FAM118B: variants seen among roughly 807,000 people sequenced by gnomAD.
FAM118B encodes protein FAM118B.
In FAM118B, 24 loss-of-function variants were observed where a neutral mutation model predicts 38.5. The observed-to-expected ratio is 0.62, with a 90% confidence interval of 0.45 to 0.88. The LOEUF is 0.88. Ranked by LOEUF, FAM118B falls within the 40% of genes least tolerant of loss-of-function variation. The pLI is 0.00. For synonymous variants in FAM118B, 138 were observed against 156.3 expected, an observed-to-expected ratio of 0.88 and a Z score of 0.87; for missense variants, 334 against 420.0, an observed-to-expected ratio of 0.80 and a Z score of 1.79.
rs1239221936 is a variant in FAM118B, at chr11:126,215,557, C to T, written c.-77+3727C>T. Among the ~76,000 whole-genome samples, 22 of 151,934 alleles carry T rather than the reference C, an allele frequency of 1.4e-4. No homozygotes were observed. In the South Asian group the frequency reaches 4.0e-3, roughly 27 times the overall value. ...ACTAAAAATACAAAAATTAGCTGGGCGTGGTGGCAGGCACCTGTAGTCCCA... is the reference window on the plus strand; with the variant it reads ...ACTAAAAATACAAAAATTAGCTGGGTGTGGTGGCAGGCACCTGTAGTCCCA... On this transcript the variant is annotated intron_variant, in intron 1 of 8. Coordinates refer to ENST00000533050, the MANE Select transcript of FAM118B (RefSeq NM_024556.4).
Position 126,250,715 on chromosome 11 carries a change from C to A in FAM118B, c.549C>A (p.Asp183Glu). ...ADQGKQLESL[D>E]LTDEKKVLEW... Reference sequence around the variant, plus strand: ...AGGGGAAACAGCTTGAATCCCTTGACCTTACTGATGAGAAAAAGGTAAAAA... The same window carrying A: ...AGGGGAAACAGCTTGAATCCCTTGAACTTACTGATGAGAAAAAGGTAAAAA... Residue 183 changes from aspartate (D) to glutamate (E), a missense_variant, in exon 5 of 9, where the codon GAC becomes GAA. By Grantham distance (45) the Asp-to-Glu change is conservative. Transcript: ENST00000533050. The surrounding 1 kb of genome is among the most constrained non-coding windows in gnomAD (Gnocchi z 5.1). The A allele has an allele frequency of 6.2e-7, 1 of 1,612,966 alleles. No individual in the cohort carries two copies.
rs570726094 is a variant in FAM118B at position 126,244,584 on chromosome 11, A to G, written c.339+3540A>G. Reference sequence around the variant, plus strand: ...TTTGGGAGGCCGAGGTGGGCGGATCACCTGAGGTCGGGAGGTAGAGACCAG... The same window carrying G: ...TTTGGGAGGCCGAGGTGGGCGGATCGCCTGAGGTCGGGAGGTAGAGACCAG... On this transcript the variant is annotated intron_variant, in intron 4 of 8. Transcript: ENST00000533050. The surrounding 1 kb of genome is among the most constrained non-coding windows in gnomAD (Gnocchi z 4.5). 6.6e-6 allele frequency among the ~76,000 whole-genome samples: 1 copy of G among 152,302 alleles called. No individual in the cohort carries two copies. Among genetic ancestry groups the G allele is most frequent in the South Asian group, 2.1e-4 (1 of 4,828 alleles).
rs765904106 is a variant in FAM118B, at chr11:126,234,992, T to G, written c.-7-3T>G. ...GTGGTTCATGGTGTTTAATCTATTT[T>G]AGAAACTGGATGGCTTCTACAGGGA... is the stretch of plus-strand genomic sequence containing the variant. On this transcript the variant is annotated splice_polypyrimidine_tract_variant and splice_region_variant and intron_variant, in intron 2 of 8. Coordinates refer to ENST00000533050, the MANE Select transcript of FAM118B (RefSeq NM_024556.4). The G allele has an allele frequency of 1.2e-6, 2 of 1,611,740 alleles. No individual in the cohort carries two copies. The highest frequency in any genetic ancestry group is 1.3e-5 in the African/African-American group (1 of 74,980).
chr11:126,213,682 C>T (rs1234869674), intron 1 of FAM118B, among the ~76,000 whole-genome samples: 1 of 152,164 alleles, frequency 6.6e-6, no homozygotes, highest in African/African-American at 2.4e-5. Context: ...GAGGCTGTTT[C>T]TACCCTAACC....
chr11:126,247,822 C>T (rs1180005682), intron 4 of FAM118B, among the ~76,000 whole-genome samples: 1 of 148,862 alleles, frequency 6.7e-6, no homozygotes, highest in Admixed American at 6.8e-5. Flanking sequence ...CACGCCACTG[C>T]ACTCCAGCCT....
At chr11:126,238,178 C>T in intron 3 of FAM118B, among the ~76,000 whole-genome samples, 1 of 151,884 alleles carries the variant, frequency 6.6e-6, no homozygotes, top group East Asian at 1.9e-4. Flanking sequence ...CCTGGCCAAC[C>T]TGGTGAAACC....
At chr11:126,239,772 C>G (rs573745811) in intron 3 of FAM118B, among the ~76,000 whole-genome samples, 1 of 152,302 alleles carries the variant, frequency 6.6e-6, no homozygotes, top group East Asian at 1.9e-4. Flanking sequence ...CCTTGGCCCC[C>G]CAAAGTGCTG....
Position 126,222,252 on chromosome 11 carries a change from G to A in FAM118B, c.-76-6973G>A, listed in dbSNP as rs563800193. On this transcript the variant is annotated intron_variant, in intron 1 of 8. Coordinates refer to ENST00000533050, the MANE Select transcript of FAM118B (RefSeq NM_024556.4). The stretch of plus-strand genomic sequence containing the variant: ...TGTGAAGTGTGGAAAACAGTGCCTG[G>A]CTTACTGTCAATGCTATGTAGTGTT... 2.6e-5 allele frequency among the ~76,000 whole-genome samples: 4 copies of A among 152,310 alleles called. No individual in the cohort carries two copies. In the South Asian group the frequency reaches 6.2e-4, roughly 24 times the overall value.
intron 2 of FAM118B, among the ~76,000 whole-genome samples, chr11:126,233,051 A>C (rs1220329133): frequency 2.0e-5 from 3 of 152,214 alleles, no homozygotes; most frequent in South Asian, 2.1e-4. Context: ...TTAAGTTTGC[A>C]TCTTATTTAG....
intron 1 of FAM118B, among the ~76,000 whole-genome samples, chr11:126,212,302 G>T (rs1401751182): frequency 2.0e-5 from 3 of 152,156 alleles, no homozygotes; most frequent in Non-Finnish European, 2.9e-5. Flanking sequence ...CCTTCCTCAA[G>T]AATTCATTTC....
rs1421744239 is a variant in FAM118B, at chr11:126,256,409, A to G, written c.697-158A>G. On this transcript the variant is annotated intron_variant, in intron 6 of 8. Transcript: ENST00000533050. This position sits in a 1 kb window ranked among gnomAD's most constrained non-coding sequence, Gnocchi z 6.6. ...TTAGACCAATCATCAAGTTACAGCA[A>G]TAAGCAAGAGATCACACTCCTTGAT... Among the ~76,000 whole-genome samples the G allele has an allele frequency of 1.3e-5, 2 of 152,256 alleles. No homozygotes were observed. Among genetic ancestry groups the G allele is most frequent in the Non-Finnish European group, 2.9e-5 (2 of 68,038 alleles).
intron 3 of FAM118B, among the ~76,000 whole-genome samples, chr11:126,235,852 C>T (rs190609835): frequency 2.3e-5 from 3 of 130,908 alleles, no homozygotes; most frequent in South Asian, 4.2e-4. Context: ...TACATTATTA[C>T]GACTGTATAA....
intron 3 of FAM118B, among the ~76,000 whole-genome samples, chr11:126,236,663 T>C (rs1337145139): frequency 2.0e-5 from 3 of 152,182 alleles, no homozygotes; most frequent in Non-Finnish European, 4.4e-5. Context: ...ATACTTTCCA[T>C]TACAATGTTT....
intron 4 of FAM118B, among the ~76,000 whole-genome samples, chr11:126,246,373 G>A (rs954809237): frequency 5.9e-5 from 9 of 152,168 alleles, no homozygotes; most frequent in African/African-American, 2.2e-4. Context: ...CAGATTCACT[G>A]CAAAGAGCTT....
chr11:126,245,230 G>A (rs1047777635), intron 4 of FAM118B: 21 of 151,550 alleles, frequency 1.4e-4, no homozygotes, highest in African/African-American at 4.6e-4. Context: ...GTGGGATTGC[G>A]TCTGAATAGC....
rs562409654 is a variant in FAM118B at position 126,250,312 on chromosome 11, C to T, written c.340-194C>T. Among the ~76,000 whole-genome samples, 2 of 152,140 alleles carry T rather than the reference C, an allele frequency of 1.3e-5. No individual in the cohort carries two copies. Among genetic ancestry groups the T allele is most frequent in the African/African-American group, 4.8e-5 (2 of 41,514 alleles). On this transcript the variant is annotated intron_variant, in intron 4 of 8. Transcript: ENST00000533050. The surrounding 1 kb of genome is among the most constrained non-coding windows in gnomAD (Gnocchi z 5.1). Reference sequence around the variant, plus strand: ...TTCACCGTGTTAGCCAGGATGGTCTCGATCTCCTGACCTCGTGATCCGCCC... The same window carrying T: ...TTCACCGTGTTAGCCAGGATGGTCTTGATCTCCTGACCTCGTGATCCGCCC...
chr11:126,249,457 G>A (rs925757925), intron 4 of FAM118B, among the ~76,000 whole-genome samples: 3 of 150,124 alleles, frequency 2.0e-5, no homozygotes, highest in African/African-American at 7.3e-5. Flanking sequence ...CTGAGGCTGG[G>A]TGTGGTAGCT....
At chr11:126,226,742 G>A (rs1174956752) in intron 1 of FAM118B, among the ~76,000 whole-genome samples, 1 of 152,130 alleles carries the variant, frequency 6.6e-6, no homozygotes, top group Non-Finnish European at 1.5e-5. Context: ...CACTTTGGGA[G>A]GGCTGAGGCA....
chr11:126,228,304 T>G (rs1950170098), intron 1 of FAM118B, among the ~76,000 whole-genome samples: 1 of 151,456 alleles, frequency 6.6e-6, no homozygotes, highest in Non-Finnish European at 1.5e-5. Context: ...GTTCAAGCAG[T>G]TCTGCCTCAG....
Sources: gnomAD v4.1 joint callset for allele counts (sites outside exome capture counted in the v4.1 genomes callset) on GRCh38, gnomAD v4.1.1 for gene constraint, Gnocchi (gnomAD v3.1) non-coding constraint, MANE v1.5 for transcripts, NCBI Gene and HGNC (gene_info 2026-07-23, HGNC 2026-07-21) for gene names.